The following COLGALT2 variants were observed in gnomAD, a reference collection of about 807,000 sequenced individuals.
COLGALT2 encodes procollagen galactosyltransferase 2.
A neutral mutation model predicts 73.4 loss-of-function variants in COLGALT2; 49 were observed. The observed-to-expected ratio is 0.67, with a 90% confidence interval of 0.53 to 0.85. COLGALT2 has a LOEUF of 0.85. Among genes scored for constraint, COLGALT2 ranks in the 40% least tolerant of loss-of-function variants. The pLI is 0.00. For missense variants in COLGALT2, 722 were observed against 790.2 expected, an observed-to-expected ratio of 0.91 and a Z score of 1.03; for synonymous variants, 295 against 307.6, an observed-to-expected ratio of 0.96 and a Z score of 0.43.
chr1:183,991,885 T>G (rs1306322877), intron 1 of COLGALT2, among the ~76,000 whole-genome samples: 1 of 152,124 alleles, frequency 6.6e-6, no homozygotes, highest in African/African-American at 2.4e-5. Context: ...ATTTCTATTC[T>G]GGAAAACTAC....
At chr1:183,970,951 C>T (rs1327136) in intron 4 of COLGALT2, among the ~76,000 whole-genome samples, 90,694 of 151,918 alleles carry the variant, frequency 0.6, 27,289 homozygotes, top group East Asian at 0.85. Flanking sequence ...TAAGTACTTG[C>T]GTCTAATATA....
intron 4 of COLGALT2, among the ~76,000 whole-genome samples, chr1:183,973,049 G>C (rs929374020): frequency 1.3e-5 from 2 of 152,098 alleles, no homozygotes; most frequent in African/African-American, 4.8e-5. Flanking sequence ...CTATCCTAAG[G>C]ATATAATCTT....
chr1:183,994,843 C>T (rs1242574188), intron 1 of COLGALT2, among the ~76,000 whole-genome samples: 1 of 152,028 alleles, frequency 6.6e-6, no homozygotes, highest in African/African-American at 2.4e-5. Flanking sequence ...TAACAAAATA[C>T]CTGGCATAAA....
At chr1:184,036,499 C>T (rs1649681416) in intron 1 of COLGALT2, among the ~76,000 whole-genome samples, 1 of 152,240 alleles carries the variant, frequency 6.6e-6, no homozygotes, top group Admixed American at 6.5e-5. Flanking sequence ...TGGGCACACT[C>T]CGCGGGCTCC....
intron 6 of COLGALT2, among the ~76,000 whole-genome samples, chr1:183,962,284 C>T (rs146669363): frequency 0.015 from 2,289 of 149,596 alleles, 51 homozygotes; most frequent in African/African-American, 0.052. Context: ...CTCAGCCTTC[C>T]GAGTAACTGG....
downstream of COLGALT2, chr1:183,935,756 T>C: frequency 1.4e-6 from 1 of 708,804 alleles, no homozygotes; most frequent in Non-Finnish European, 1.7e-6. Flanking sequence ...TCTGACATCC[T>C]TGGTCAAGGG....
Position 184,037,570 on chromosome 1 carries a change from G to A in COLGALT2, c.-213C>T. 1 of 1,107,536 alleles carries A rather than the reference G, an allele frequency of 9.0e-7. No homozygotes were observed. Among genetic ancestry groups the A allele is most frequent in the Non-Finnish European group, 1.1e-6 (1 of 909,668 alleles). The allele number at this position is 1,107,536 out of a possible 1,614,324, so 68.6% of individuals were successfully genotyped here. On this transcript the variant is annotated 5_prime_UTR_variant, in exon 1 of 12. Coordinates refer to ENST00000361927, the MANE Select transcript of COLGALT2 (RefSeq NM_015101.4). ...GCACCGCCCAGGCCCCAGTGCGGGTGCGCAGCGTACCTGCAGCCGCTGGCG... is the reference window on the plus strand; with the variant it reads ...GCACCGCCCAGGCCCCAGTGCGGGTACGCAGCGTACCTGCAGCCGCTGGCG...
intron 1 of COLGALT2, among the ~76,000 whole-genome samples, chr1:183,993,496 A>C (rs1005518515): frequency 7.2e-5 from 11 of 152,206 alleles, no homozygotes; most frequent in African/African-American, 2.4e-4. Context: ...CACCATTATA[A>C]ACAGAGTCCA....
intron 1 of COLGALT2, among the ~76,000 whole-genome samples, chr1:183,999,170 T>C (rs1671848894): frequency 6.6e-6 from 1 of 152,110 alleles, no homozygotes; most frequent in South Asian, 2.1e-4. Context: ...GGTGAGAGTT[T>C]TGTTTCGAAT....
chr1:184,024,836 C>T (rs1649285456), intron 1 of COLGALT2, among the ~76,000 whole-genome samples: 1 of 152,122 alleles, frequency 6.6e-6, no homozygotes, highest in Non-Finnish European at 1.5e-5. Context: ...CATGCATAGA[C>T]AACTGATAGT....
intron 1 of COLGALT2, among the ~76,000 whole-genome samples, chr1:183,980,217 T>C (rs978082902): frequency 6.6e-6 from 1 of 151,802 alleles, no homozygotes; most frequent in Non-Finnish European, 1.5e-5. Flanking sequence ...AAAGCAAACA[T>C]ATATAAAGAA....
intron 2 of COLGALT2, among the ~76,000 whole-genome samples, chr1:183,975,749 G>T (rs76498318): frequency 6.6e-6 from 1 of 152,156 alleles, no homozygotes; most frequent in Non-Finnish European, 1.5e-5. Context: ...AAGTGAGGTC[G>T]TGGGATCTCT....
At chr1:183,962,156 T>C (rs1572640894) in intron 6 of COLGALT2, among the ~76,000 whole-genome samples, 1 of 119,620 alleles carries the variant, frequency 8.4e-6, no homozygotes, top group East Asian at 2.3e-4. Flanking sequence ...TTCTCTTTCT[T>C]TTTTTTTTTT....
intron 3 of COLGALT2, among the ~76,000 whole-genome samples, chr1:183,974,800 C>T (rs919548873): frequency 5.9e-5 from 9 of 152,232 alleles, no homozygotes; most frequent in African/African-American, 2.2e-4. Context: ...GCTTTACCTA[C>T]AGCCTTTCCT....
chr1:183,934,584 AAC>A (rs1669909519), downstream of COLGALT2, among the ~76,000 whole-genome samples: 2 of 152,178 alleles, frequency 1.3e-5, no homozygotes, highest in Non-Finnish European at 2.9e-5. Context: ...GCCTCATTTT[AAC>A]TTTACTTTGT....
At chr1:183,952,823 C>G (rs1406423808) in intron 7 of COLGALT2, among the ~76,000 whole-genome samples, 1 of 152,208 alleles carries the variant, frequency 6.6e-6, no homozygotes, top group African/African-American at 2.4e-5. Context: ...TCTGTGGTGA[C>G]TCTATTTGCC....
At chr1:183,975,958 C>A (rs1002469857) in intron 2 of COLGALT2, among the ~76,000 whole-genome samples, 2 of 152,148 alleles carry the variant, frequency 1.3e-5, no homozygotes, top group Non-Finnish European at 2.9e-5. Flanking sequence ...TGAAAAACTG[C>A]AAAAACAATG....
In COLGALT2 at chr1:183,937,225, T is replaced by A. The variant is rs1669980331; in HGVS notation, c.*1536A>T. The stretch of plus-strand genomic sequence containing the variant: ...TTTGGGGTGTGCACGGCCCCCCATA[T>A]GGCTGCATGGTGCATGGACAGTGAT... On this transcript the variant is annotated 3_prime_UTR_variant, in exon 12 of 12. Coordinates refer to ENST00000361927, the MANE Select transcript of COLGALT2 (RefSeq NM_015101.4). The A allele has an allele frequency of 1.1e-5, 13 of 1,209,056 alleles. No homozygotes were observed. Among genetic ancestry groups the A allele is most frequent in the Non-Finnish European group, 1.3e-5 (13 of 974,244 alleles). The allele number at this position is 1,209,056 out of a possible 1,614,324, so 74.9% of individuals were successfully genotyped here.
intron 1 of COLGALT2, among the ~76,000 whole-genome samples, chr1:184,010,742 G>A (rs144461681): frequency 1.5e-4 from 23 of 152,280 alleles, no homozygotes; most frequent in African/African-American, 5.3e-4. Flanking sequence ...CAAATACCCT[G>A]CTTTTGATCA....
Sources: allele counts gnomAD v4.1 joint callset (sites outside exome capture counted in the v4.1 genomes callset), GRCh38; gene constraint gnomAD v4.1.1; transcripts MANE v1.5; gene names NCBI Gene and HGNC (gene_info 2026-07-23, HGNC 2026-07-21).